PDE10A: variants seen among roughly 807,000 people sequenced by gnomAD.
PDE10A encodes cAMP and cAMP-inhibited cGMP 3',5'-cyclic phosphodiesterase 10A.
Under a neutral mutation model 97.7 loss-of-function variants are expected in PDE10A, and 39 were observed. The observed-to-expected ratio is 0.40, with a 90% CI of 0.31 to 0.52. PDE10A has a LOEUF of 0.52. Among genes scored for constraint, PDE10A ranks in the 20% least tolerant of loss-of-function variants. The pLI, the probability that PDE10A is intolerant of heterozygous loss-of-function variation, is 0.56. For missense variants in PDE10A, 731 were observed against 1,047.8 expected, an observed-to-expected ratio of 0.70 and a Z score of 4.17; for synonymous variants, 371 against 376.8, an observed-to-expected ratio of 0.98 and a Z score of 0.18.
At chr6:165,924,044 G>A (rs372311856) in intron 1 of PDE10A, among the ~76,000 whole-genome samples, 4 of 152,274 alleles carry the variant, frequency 2.6e-5, no homozygotes, top group South Asian at 2.1e-4. Context: ...ATGACATCAC[G>A]AAACTTTAGC....
chr6:165,791,808 A>G (rs2128463669), intron 1 of PDE10A, among the ~76,000 whole-genome samples: 1 of 152,272 alleles, frequency 6.6e-6, no homozygotes, highest in South Asian at 2.1e-4. Context: ...GGGCTTTGCT[A>G]GCTTGTAGGG....
chr6:165,470,793 C>T (rs1430572123), intron 3 of PDE10A, among the ~76,000 whole-genome samples: 1 of 148,524 alleles, frequency 6.7e-6, no homozygotes, highest in Non-Finnish European at 1.5e-5. Context: ...CCCTTAAAGA[C>T]TCTGTTTAGA....
At chr6:165,387,992 TAATC>T (rs1227750793) in intron 17 of PDE10A, among the ~76,000 whole-genome samples, 3 of 152,228 alleles carry the variant, frequency 2.0e-5, no homozygotes, top group African/African-American at 7.2e-5. Flanking sequence ...AAGAATATGA[TAATC>T]TATATAATTA....
At chr6:165,752,679 T>A (rs1404253019) in intron 1 of PDE10A, among the ~76,000 whole-genome samples, 1 of 152,182 alleles carries the variant, frequency 6.6e-6, no homozygotes, top group Non-Finnish European at 1.5e-5. Flanking sequence ...GAGGTATTCA[T>A]CATTAGGCCT....
At chr6:165,400,200 T>A (rs549984441) in intron 13 of PDE10A, among the ~76,000 whole-genome samples, 1 of 151,646 alleles carries the variant, frequency 6.6e-6, no homozygotes, top group African/African-American at 2.4e-5. Flanking sequence ...AAAATGAATA[T>A]AGACTTAACT....
intron 17 of PDE10A, among the ~76,000 whole-genome samples, chr6:165,384,700 C>G (rs1785175538): frequency 6.9e-6 from 1 of 144,592 alleles, no homozygotes; most frequent in South Asian, 2.2e-4. Context: ...GTTAGCTTTT[C>G]AAGTCTATTG....
At chr6:165,484,240 CA>C (rs1433887993) in intron 2 of PDE10A, among the ~76,000 whole-genome samples, 9 of 152,206 alleles carry the variant, frequency 5.9e-5, no homozygotes, top group African/African-American at 2.2e-4. Context: ...ATGTTGAAGA[CA>C]GAAACTTTAC....
chr6:165,566,500 T>C (rs1002402110), intron 1 of PDE10A, among the ~76,000 whole-genome samples: 4 of 152,224 alleles, frequency 2.6e-5, no homozygotes, highest in Admixed American at 1.3e-4. Context: ...GGAAGACAGT[T>C]CGGCAGCTCT....
chr6:165,543,871 CGTGTGT>C (rs375765109), intron 1 of PDE10A, among the ~76,000 whole-genome samples: 23 of 149,846 alleles, frequency 1.5e-4, no homozygotes, highest in African/African-American at 3.4e-4. Flanking sequence ...TTCATATATA[CGTGTGT>C]GTGTGTGTGT....
chr6:165,608,196 T>C (rs1354397713), intron 1 of PDE10A, among the ~76,000 whole-genome samples: 1 of 151,252 alleles, frequency 6.6e-6, no homozygotes, highest in Non-Finnish European at 1.5e-5. Context: ...TGTGCCATGA[T>C]GGTGTGCTGT....
chr6:165,476,372 C>T (rs1779299572), intron 3 of PDE10A, among the ~76,000 whole-genome samples: 1 of 151,972 alleles, frequency 6.6e-6, no homozygotes, highest in Non-Finnish European at 1.5e-5. Flanking sequence ...AGAAGAAACA[C>T]CCAAAATACA....
chr6:165,607,021 T>C (rs1379665385), intron 1 of PDE10A, among the ~76,000 whole-genome samples: 3 of 152,234 alleles, frequency 2.0e-5, no homozygotes. Flanking sequence ...TACCTTGTCA[T>C]AATTATTGTC....
intron 1 of PDE10A, among the ~76,000 whole-genome samples, chr6:165,987,057 C>T (rs893791536): frequency 6.6e-6 from 1 of 152,058 alleles, no homozygotes. Context: ...TGGAGAAGGG[C>T]GGCTGGCTCG....
At chr6:165,533,344 C>T (rs540321456) in intron 2 of PDE10A, among the ~76,000 whole-genome samples, 69 of 152,192 alleles carry the variant, frequency 4.5e-4, no homozygotes, top group African/African-American at 1.6e-3. Context: ...ATGGTATAGC[C>T]TACTTCACCT....
chr6:165,836,913 T>C (rs916351045), intron 1 of PDE10A, among the ~76,000 whole-genome samples: 8 of 151,660 alleles, frequency 5.3e-5, no homozygotes, highest in Non-Finnish European at 8.8e-5. Flanking sequence ...ATGGATGAAA[T>C]TGGAAATCAT....
rs994932710 is a variant in PDE10A at position 165,344,917 on chromosome 6, C to A, written c.2784-1415G>T. Among the ~76,000 whole-genome samples the A allele has an allele frequency of 6.6e-5, 10 of 152,170 alleles. No individual in the cohort carries two copies. The South Asian group carries it at 8.3e-4, about 13-fold the overall frequency. ...GCTATGTGAAGATCCAAATCCCTTA[C>A]AAGTGGTCAGGGAAACTATAAGATT... is the stretch of plus-strand genomic sequence containing the variant. On this transcript the variant is annotated intron_variant, in intron 18 of 21. Coordinates refer to ENST00000539869, the MANE Select transcript of PDE10A (RefSeq NM_001385079.1).
At chr6:165,865,410 C>T (rs2128477436) in intron 1 of PDE10A, among the ~76,000 whole-genome samples, 1 of 152,060 alleles carries the variant, frequency 6.6e-6, no homozygotes, top group Non-Finnish European at 1.5e-5. Flanking sequence ...CGTGACACCA[C>T]CAAGGAACAT....
At chr6:165,636,592 A>C (rs1240363264) in intron 1 of PDE10A, among the ~76,000 whole-genome samples, 2 of 152,170 alleles carry the variant, frequency 1.3e-5, no homozygotes, top group East Asian at 3.9e-4. Flanking sequence ...TATCCCCAAG[A>C]ACAGCTGCTG....
At chr6:165,350,869 T>G (rs1034955289) in intron 18 of PDE10A, among the ~76,000 whole-genome samples, 3 of 152,152 alleles carry the variant, frequency 2.0e-5, no homozygotes, top group African/African-American at 7.2e-5. Context: ...TGCTTCCCCT[T>G]CCATCATGAT....
Sources: allele counts gnomAD v4.1 joint callset (sites outside exome capture counted in the v4.1 genomes callset), GRCh38; gene constraint gnomAD v4.1.1; transcripts MANE v1.5; gene names NCBI Gene and HGNC (gene_info 2026-07-23, HGNC 2026-07-21).